GRM1: variants seen among roughly 807,000 people sequenced by gnomAD.
The protein encoded by GRM1 is glutamate metabotropic receptor 1, also known as metabotropic glutamate receptor 1.
A neutral mutation model predicts 90.9 loss-of-function variants in GRM1; 33 were observed. The observed-to-expected ratio is 0.36, with a 90% CI of 0.28 to 0.49. The LOEUF (loss-of-function observed/expected upper bound fraction) is 0.49. GRM1 is among the 20% of genes least tolerant of loss of function. The pLI is 0.99. For synonymous variants in GRM1, 700 were observed against 613.2 expected (o/e 1.14, Z -2.09); for missense variants, 1,190 against 1,534.3 (o/e 0.78, Z 3.75).
At chr6:146,433,525 AGTGTGTGTGTGTGTGTGT>A (rs72224796) in intron 7 of GRM1, among the ~76,000 whole-genome samples, 2 of 148,088 alleles carry the variant, frequency 1.4e-5, no homozygotes, top group African/African-American at 2.5e-5. Context: ...GTTTTTCAAA[AGTGTGTGTGTGTGTGTGT>A]GTGTGTGTGT....
chr6:146,314,222 A>T (rs183352159), intron 3 of GRM1, among the ~76,000 whole-genome samples: 1 of 150,656 alleles, frequency 6.6e-6, no homozygotes, highest in Non-Finnish European at 1.5e-5. Flanking sequence ...ATGTGCTACC[A>T]TGCCCGATTA....
At chr6:146,209,086 T>C (rs1034934404) in intron 2 of GRM1, among the ~76,000 whole-genome samples, 2 of 152,166 alleles carry the variant, frequency 1.3e-5, no homozygotes, top group African/African-American at 2.4e-5. Context: ...ATTAATATTT[T>C]AGACAAGAAA....
At chr6:146,230,308 C>T (rs1780403782) in intron 2 of GRM1, among the ~76,000 whole-genome samples, 1 of 152,046 alleles carries the variant, frequency 6.6e-6, no homozygotes, top group African/African-American at 2.4e-5. Context: ...ACTCTGAAAA[C>T]TCACTAATAA....
At chr6:146,179,967 C>G (rs1778485431) in intron 2 of GRM1, among the ~76,000 whole-genome samples, 1 of 152,062 alleles carries the variant, frequency 6.6e-6, no homozygotes, top group Admixed American at 6.5e-5. Context: ...CACAGGGATA[C>G]TTTGTCTCCA....
chr6:146,145,933 T>C (rs1488532992), intron 1 of GRM1, among the ~76,000 whole-genome samples: 5 of 151,966 alleles, frequency 3.3e-5, no homozygotes, highest in African/African-American at 1.2e-4. Context: ...CCCTCACTAG[T>C]GTGCAAAGGA....
intron 5 of GRM1, among the ~76,000 whole-genome samples, chr6:146,367,874 A>G (rs1775752071): frequency 6.6e-6 from 1 of 152,108 alleles, no homozygotes; most frequent in Non-Finnish European, 1.5e-5. Context: ...GCCATGATGA[A>G]CACATGAATA....
Position 146,399,385 on chromosome 6 carries a change from C to T in GRM1, c.2346C>T (p.Asn782=), listed in dbSNP as rs145874853. The T allele has an allele frequency of 5.6e-5, 91 of 1,614,176 alleles. No individual in the cohort carries two copies. Among genetic ancestry groups the T allele is most frequent in the African/African-American group, 4.7e-4 (35 of 75,046 alleles). Residue 782 remains asparagine, a synonymous_variant, in exon 7 of 8, where the codon AAC becomes AAT. Transcript: ENST00000282753. The surrounding 1 kb of genome is among the most constrained non-coding windows in gnomAD (Gnocchi z 5.4). ...FKTRNVPANF[N]EAKYIAFTMY... ...CCCGCAACGTGCCCGCCAACTTCAA[C>T]GAGGCCAAATATATCGCGTTCACCA... is the stretch of plus-strand genomic sequence containing the variant.
At chr6:146,114,886 A>C (rs1356894673) in intron 1 of GRM1, among the ~76,000 whole-genome samples, 1 of 152,120 alleles carries the variant, frequency 6.6e-6, no homozygotes, top group Non-Finnish European at 1.5e-5. Context: ...AATTTAGATT[A>C]GATGTTTAGT....
At chr6:146,081,970 A>G (rs1776378088) in intron 1 of GRM1, among the ~76,000 whole-genome samples, 1 of 152,222 alleles carries the variant, frequency 6.6e-6, no homozygotes, top group South Asian at 2.1e-4. Flanking sequence ...GTGGGATTTT[A>G]GCGAGTAGAG....
chr6:146,144,948 C>A (rs2128885417), intron 1 of GRM1, among the ~76,000 whole-genome samples: 1 of 152,242 alleles, frequency 6.6e-6, no homozygotes, highest in African/African-American at 2.4e-5. Flanking sequence ...AAAGGCTATC[C>A]TTTTTATAGA....
intron 3 of GRM1, among the ~76,000 whole-genome samples, chr6:146,314,944 A>G (rs1384774334): frequency 6.6e-6 from 1 of 152,146 alleles, no homozygotes; most frequent in Non-Finnish European, 1.5e-5. Flanking sequence ...TGCGTTTCCG[A>G]AAAACTAGCC....
At chr6:146,215,206 C>A (rs1779827264) in intron 2 of GRM1, among the ~76,000 whole-genome samples, 1 of 152,178 alleles carries the variant, frequency 6.6e-6, no homozygotes, top group South Asian at 2.1e-4. Context: ...CATTACTAAA[C>A]ATGTCCATTA....
At chr6:146,392,733 T>C (rs1776775692) in intron 6 of GRM1, among the ~76,000 whole-genome samples, 1 of 152,150 alleles carries the variant, frequency 6.6e-6, no homozygotes, top group Non-Finnish European at 1.5e-5. Flanking sequence ...CCCCTCGCTA[T>C]GCCCATATGT....
intron 3 of GRM1, among the ~76,000 whole-genome samples, chr6:146,309,717 G>T (rs362961): frequency 6.6e-6 from 1 of 151,582 alleles, no homozygotes; most frequent in East Asian, 1.9e-4. Context: ...AAAAAAAAAA[G>T]CACTGAATAT....
At chr6:146,053,214 C>T (rs1775355539) in intron 1 of GRM1, among the ~76,000 whole-genome samples, 2 of 151,938 alleles carry the variant, frequency 1.3e-5, no homozygotes, top group African/African-American at 2.4e-5. Flanking sequence ...TTTTTTTATT[C>T]TTTCTTTTAA....
chr6:146,398,057 G>T (rs1469215018), intron 6 of GRM1, among the ~76,000 whole-genome samples: 1 of 152,138 alleles, frequency 6.6e-6, no homozygotes, highest in African/African-American at 2.4e-5. Flanking sequence ...GAAAAGATAA[G>T]CCAGGAATTT....
Position 146,108,709 on chromosome 6 carries a change from T to C in GRM1, c.701-50639T>C, listed in dbSNP as rs536816799. 1.4e-3 allele frequency among the ~76,000 whole-genome samples: 219 copies of C among 152,262 alleles called. 1 individual carries two copies. Among genetic ancestry groups the C allele is most frequent in the Non-Finnish European group, 2.8e-3 (190 of 68,022 alleles). On this transcript the variant is annotated intron_variant, in intron 1 of 7. Transcript: ENST00000282753. ...GTAACAGGCAAAGGTTGGGACAGTT[T>C]GGAGGTCTCAGAAGAAGACAGGAAA...
In GRM1 at chr6:146,434,337, T is replaced by C. The variant is rs1405188753; in HGVS notation, c.3126T>C (p.Ser1042=). ...DQLQGVVSNF[S]TAIPDFHAVL... is the part of the protein sequence containing the mutation. ...TCCAGGGAGTGGTCAGCAACTTCAG[T>C]ACCGCGATCCCGGATTTTCACGCGG... The change falls in exon 8 of 8, where the codon AGT becomes AGC. Residue 1042 remains serine, a synonymous_variant. Transcript: ENST00000282753. The C allele has an allele frequency of 1.2e-5, 19 of 1,612,286 alleles. No individual in the cohort carries two copies. In the Admixed American group the frequency reaches 3.0e-4, roughly 25 times the overall value.
chr6:146,361,339 G>A (rs747682510), intron 5 of GRM1, among the ~76,000 whole-genome samples: 3 of 152,112 alleles, frequency 2.0e-5, no homozygotes, highest in Non-Finnish European at 4.4e-5. Flanking sequence ...GATAGCCAAG[G>A]GCCCAAGACA....
Sources: allele counts gnomAD v4.1 joint callset (sites outside exome capture counted in the v4.1 genomes callset), GRCh38; gene constraint gnomAD v4.1.1; non-coding constraint Gnocchi (gnomAD v3.1); transcripts MANE v1.5; gene names NCBI Gene and HGNC (gene_info 2026-07-23, HGNC 2026-07-21).